PRKG1: variants seen among roughly 807,000 people sequenced by gnomAD.
The protein encoded by PRKG1 is cGMP-dependent protein kinase 1.
A neutral mutation model predicts 88.1 loss-of-function variants in PRKG1; 35 were observed. That is an observed-to-expected ratio of 0.40 (90% CI 0.30 to 0.53). PRKG1 has a LOEUF of 0.53. PRKG1 is among the 20% of genes least tolerant of loss of function. The probability of loss-of-function intolerance (pLI) is 0.59; values close to 1 mark genes in which losing one functional copy is unlikely to be tolerated. For synonymous variants in PRKG1, 303 were observed against 292.5 expected (o/e 1.04, Z -0.37); for missense variants, 540 against 839.8 (o/e 0.64, Z 4.41).
intron 5 of PRKG1, among the ~76,000 whole-genome samples, chr10:52,021,606 A>G (rs1469324145): frequency 6.6e-6 from 1 of 152,224 alleles, no homozygotes; most frequent in Non-Finnish European, 1.5e-5. Flanking sequence ...GTTTATTTCT[A>G]TGTGTGTGTG....
At chr10:51,019,793 CAACAA>C (rs1843112687) in intron 1 of PRKG1, among the ~76,000 whole-genome samples, 1 of 150,386 alleles carries the variant, frequency 6.6e-6, no homozygotes, top group Non-Finnish European at 1.5e-5. Flanking sequence ...TGAAACTAAG[CAACAA>C]AACAAAACAA....
At chr10:51,579,987 T>G (rs572162682) in intron 3 of PRKG1, among the ~76,000 whole-genome samples, 1 of 152,292 alleles carries the variant, frequency 6.6e-6, no homozygotes, top group African/African-American at 2.4e-5. Context: ...CACATCCCAT[T>G]CTTCTCTCTC....
chr10:51,185,719 A>G (rs1837467768), intron 2 of PRKG1, among the ~76,000 whole-genome samples: 3 of 151,820 alleles, frequency 2.0e-5, no homozygotes, highest in African/African-American at 7.2e-5. Flanking sequence ...CATAGTTTTA[A>G]TGATTGCATA....
At chr10:51,086,020 G>A (rs1844237850) in intron 1 of PRKG1, among the ~76,000 whole-genome samples, 1 of 152,124 alleles carries the variant, frequency 6.6e-6, no homozygotes, top group Admixed American at 6.6e-5. Flanking sequence ...GCCTGATTCT[G>A]CTTTCCAGAT....
intron 3 of PRKG1, among the ~76,000 whole-genome samples, chr10:51,470,643 A>G (rs1840026009): frequency 6.6e-6 from 1 of 151,948 alleles, no homozygotes; most frequent in Non-Finnish European, 1.5e-5. Flanking sequence ...CAGTTTTTAC[A>G]ATTGTATCAG....
At chr10:52,151,044 A>C (rs1293545523) in intron 8 of PRKG1, among the ~76,000 whole-genome samples, 1 of 152,126 alleles carries the variant, frequency 6.6e-6, no homozygotes, top group Non-Finnish European at 1.5e-5. Flanking sequence ...CGAATTTGTA[A>C]ATTTTAAATA....
chr10:51,461,435 CAT>C (rs1352304207), intron 2 of PRKG1, among the ~76,000 whole-genome samples: 4 of 152,064 alleles, frequency 2.6e-5, no homozygotes, highest in Non-Finnish European at 5.9e-5. Context: ...AAACCTAATA[CAT>C]ATATATGTGT....
intron 1 of PRKG1, among the ~76,000 whole-genome samples, chr10:51,010,059 G>A (rs946842075): frequency 6.6e-6 from 1 of 152,202 alleles, no homozygotes; most frequent in South Asian, 2.1e-4. Flanking sequence ...GTGGAAGGAG[G>A]GGTCAGGAGA....
At chr10:51,983,407 A>G (rs1004963708) in intron 5 of PRKG1, among the ~76,000 whole-genome samples, 3 of 152,166 alleles carry the variant, frequency 2.0e-5, no homozygotes, top group African/African-American at 7.2e-5. Context: ...CCAGTCAGGC[A>G]TAGTCTGCCT....
chr10:51,786,629 T>G (rs1396395602), intron 3 of PRKG1, among the ~76,000 whole-genome samples: 1 of 152,158 alleles, frequency 6.6e-6, no homozygotes, highest in Non-Finnish European at 1.5e-5. Flanking sequence ...ATTGCTTTCT[T>G]TATTGATCTC....
chr10:52,043,917 G>GAAAAAAA (rs5784899), intron 5 of PRKG1, among the ~76,000 whole-genome samples: 2 of 133,940 alleles, frequency 1.5e-5, no homozygotes, highest in Non-Finnish European at 3.1e-5. Flanking sequence ...GTTAAACATA[G>GAAAAAAA]AAAAAAAAAA....
chr10:51,116,427 T>C (rs1156527700), intron 1 of PRKG1, among the ~76,000 whole-genome samples: 2 of 152,092 alleles, frequency 1.3e-5, no homozygotes, highest in African/African-American at 4.8e-5. Flanking sequence ...CTGTATGAAA[T>C]GAAGGACATG....
intron 2 of PRKG1, among the ~76,000 whole-genome samples, chr10:51,314,105 C>T (rs1841260204): frequency 6.6e-6 from 1 of 152,082 alleles, no homozygotes; most frequent in African/African-American, 2.4e-5. Flanking sequence ...GATTCAGAAA[C>T]TTTAATACAC....
chr10:51,515,039 G>T (rs542995407), intron 3 of PRKG1, among the ~76,000 whole-genome samples: 1 of 152,218 alleles, frequency 6.6e-6, no homozygotes, highest in South Asian at 2.1e-4. Flanking sequence ...GTTGTCTCTA[G>T]ATATTGGCAA....
At chr10:51,014,293 A>G (rs1234764535) in intron 1 of PRKG1, among the ~76,000 whole-genome samples, 1 of 148,632 alleles carries the variant, frequency 6.7e-6, no homozygotes, top group Non-Finnish European at 1.5e-5. Context: ...GCCTTGTAGG[A>G]GCTACTCCTG....
At chr10:51,991,022 A>G (rs1431339015) in intron 5 of PRKG1, among the ~76,000 whole-genome samples, 1 of 152,098 alleles carries the variant, frequency 6.6e-6, no homozygotes, top group Non-Finnish European at 1.5e-5. Flanking sequence ...TTTCCTCAAT[A>G]TTTAACACTT....
chr10:51,027,314 T>C (rs189283805), intron 1 of PRKG1, among the ~76,000 whole-genome samples: 252 of 152,334 alleles, frequency 1.7e-3, no homozygotes, highest in African/African-American at 5.6e-3. Flanking sequence ...TCTGTATCAC[T>C]ACACTTCTCA....
intron 2 of PRKG1, among the ~76,000 whole-genome samples, chr10:51,201,209 C>T (rs1017102988): frequency 6.6e-6 from 1 of 151,990 alleles, no homozygotes; most frequent in African/African-American, 2.4e-5. Context: ...GCCTGTAATC[C>T]CAGCACTTTG....
At chr10:52,050,779 T>C (rs1048558296) in intron 5 of PRKG1, among the ~76,000 whole-genome samples, 2 of 152,174 alleles carry the variant, frequency 1.3e-5, no homozygotes, top group African/African-American at 4.8e-5. Context: ...ATTAAGAAGA[T>C]GATTAGATAA....
Sources: gnomAD v4.1 joint callset for allele counts (sites outside exome capture counted in the v4.1 genomes callset) on GRCh38, gnomAD v4.1.1 for gene constraint, MANE v1.5 for transcripts, NCBI Gene and HGNC (gene_info 2026-07-23, HGNC 2026-07-21) for gene names.